The following CCNB1 variants were observed in gnomAD, a reference collection of about 807,000 sequenced individuals.
The protein encoded by CCNB1 is G2/mitotic-specific cyclin-B1.
CCNB1 carries 26 observed loss-of-function variants against 44.4 expected under a neutral mutation model. The observed-to-expected ratio is 0.59, with a 90% confidence interval of 0.43 to 0.81. The LOEUF (loss-of-function observed/expected upper bound fraction) is 0.81, where lower values mean the gene tolerates loss of function less well. CCNB1 is among the 40% of genes least tolerant of loss of function. The pLI, the probability that CCNB1 is intolerant of heterozygous loss-of-function variation, is 0.00. For synonymous variants in CCNB1, 195 were observed against 181.4 expected (o/e 1.08, Z -0.60); for missense variants, 477 against 520.9 (o/e 0.92, Z 0.82).
rs1167597138 is a variant in CCNB1 at position 69,175,423 on chromosome 5, C to G, written c.969C>G (p.Ala323=). The G allele has an allele frequency of 6.2e-7, 1 of 1,613,628 alleles. No individual in the cohort carries two copies. Among genetic ancestry groups the G allele is most frequent in the Admixed American group, 1.7e-5 (1 of 59,898 alleles). Residue 323 remains alanine (A), a synonymous_variant, in exon 7 of 9, where the codon GCC becomes GCG. Coordinates refer to ENST00000256442, the MANE Select transcript of CCNB1 (RefSeq NM_031966.4). ...TTGATGTCGAGCAACATACTTTGGCCAAATACCTGATGGAACTAACTATGT... is the reference window on the plus strand; with the variant it reads ...TTGATGTCGAGCAACATACTTTGGCGAAATACCTGATGGAACTAACTATGT... The part of the protein sequence containing the change: ...GEVDVEQHTL[A]KYLMELTMLD...
At chr5:69,167,612 C>G in intron 1 of CCNB1, 1 of 501,082 alleles carries the variant, frequency 2.0e-6, no homozygotes, top group Non-Finnish European at 3.5e-6. Flanking sequence ...AACCCCCTTC[C>G]CAGAGAGAAG....
chr5:69,167,482 G>T (rs1226591905), intron 1 of CCNB1, 199 bp downstream of exon 1: 1 of 588,918 alleles, frequency 1.7e-6, no homozygotes, highest in Admixed American at 3.1e-5. Context: ...ATGGAGGGAG[G>T]AAGGTGAGAA....
chr5:69,174,178 A>G lies in CCNB1; in HGVS notation c.547-73A>G, dbSNP rs533759923. 1.8e-5 allele frequency: 25 copies of G among 1,362,306 alleles called. No homozygotes were observed. In the African/African-American group the frequency reaches 3.3e-4, roughly 18 times the overall value. 84.4% of individuals were successfully genotyped at this position (1,362,306 alleles called of 1,614,324 possible). A position where few individuals can be genotyped will look rare whatever the true frequency, so the allele number is the denominator to read the frequency against. On this transcript the variant is annotated intron_variant, in intron 4 of 8. Coordinates refer to ENST00000256442, the MANE Select transcript of CCNB1 (RefSeq NM_031966.4). ...ATGCCCCAGTGCTACTGTAGGAACT[A>G]ACTGATCTTTCTGGACATAAATGTG... is the stretch of plus-strand genomic sequence containing the variant.
At chr5:69,169,348 C>T (rs564272629) in intron 3 of CCNB1, among the ~76,000 whole-genome samples, 2 of 152,014 alleles carry the variant, frequency 1.3e-5, no homozygotes, top group East Asian at 3.9e-4. Context: ...TTAGCCACGG[C>T]GCCCAGCCAG....
At chr5:69,171,497 A>G in intron 4 of CCNB1, 45 bp downstream of exon 4, 1 of 1,365,514 alleles carries the variant, frequency 7.3e-7, no homozygotes, top group Non-Finnish European at 1.0e-6. Context: ...ATCTAACTTT[A>G]TGAAAGTATT....
intron 1 of CCNB1, chr5:69,167,486 G>A (rs1385869399): frequency 1.7e-6 from 1 of 585,306 alleles, no homozygotes; most frequent in East Asian, 3.0e-5. Flanking sequence ...AGGGAGGAAG[G>A]TGAGAAAGAG....
chr5:69,171,470 T>G lies in CCNB1; in HGVS notation c.546+18T>G. The G allele has an allele frequency of 6.5e-7, 1 of 1,547,372 alleles. No homozygotes were observed. Among genetic ancestry groups the G allele is most frequent in the Non-Finnish European group, 8.8e-7 (1 of 1,141,798 alleles). On this transcript the variant is annotated intron_variant, in intron 4 of 8. Coordinates refer to ENST00000256442, the MANE Select transcript of CCNB1 (RefSeq NM_031966.4). ...AACTTGAGGTAAGTATTATCATTCG[T>G]TTTTTTTCTAAACTGCATCTAACTT...
In CCNB1 at chr5:69,175,021, C is replaced by T; in HGVS notation, c.850C>T (p.Gln284Ter). ...DNTYTKHQIR[Q>*]MEMKILRALN... ...CACTTATACTAAGCACCAAATCAGA[C>T]AGATGGAAATGAAGATTCTAAGAGC... The change falls in exon 6 of 9, where the codon CAG becomes TAG. Residue 284 changes from glutamine (Q) to a stop codon, truncating the protein, a stop_gained. Coordinates refer to ENST00000256442, the MANE Select transcript of CCNB1 (RefSeq NM_031966.4). LOFTEE classifies it high-confidence loss of function. The T allele has an allele frequency of 6.2e-7, 1 of 1,614,162 alleles. No homozygotes were observed. Among genetic ancestry groups the T allele is most frequent in the Non-Finnish European group, 8.5e-7 (1 of 1,180,012 alleles).
Position 69,177,337 on chromosome 5 carries a change from T to TA in CCNB1, c.1183dup (p.Thr395AsnfsTer17), listed in dbSNP as rs1561316086. The TA allele has an allele frequency of 1.2e-6, 2 of 1,602,046 alleles. No individual in the cohort carries two copies. Among genetic ancestry groups the TA allele is most frequent in the Admixed American group, 1.7e-5 (1 of 59,976 alleles). ...ATGTAGTCATGGTAAATCAAGGACT[T>TA]ACAAAGCACATGGTGAGTCAATATA... is the stretch of plus-strand genomic sequence containing the variant. On this transcript the variant is annotated frameshift_variant, in exon 8 of 9. Coordinates refer to ENST00000256442, the MANE Select transcript of CCNB1 (RefSeq NM_031966.4). LOFTEE classifies it high-confidence loss of function.
rs1222233914 is a variant in CCNB1 at position 69,167,246 on chromosome 5, C to T, written c.-17C>T. On this transcript the variant is annotated 5_prime_UTR_variant, in exon 1 of 9. Transcript: ENST00000256442. ...CTGCTTCTCCCCGCTGAGCTGCTGC[C>T]TGGTGAAGAGGAAGCCATGGCGCTC... The T allele has an allele frequency of 4.5e-6, 7 of 1,567,532 alleles. No individual in the cohort carries two copies. The highest frequency in any genetic ancestry group is 1.4e-5 in the African/African-American group (1 of 73,500).
chr5:69,177,793 C>T lies in CCNB1; in HGVS notation c.*162C>T, dbSNP rs1398144449. ...GTGGTTACTTCCTACTGTAGGGTAGCGGAAAAGTTGTCTTAAAAGGTATGG... is the reference window on the plus strand; with the variant it reads ...GTGGTTACTTCCTACTGTAGGGTAGTGGAAAAGTTGTCTTAAAAGGTATGG... On this transcript the variant is annotated 3_prime_UTR_variant, in exon 9 of 9. Coordinates refer to ENST00000256442, the MANE Select transcript of CCNB1 (RefSeq NM_031966.4). 4.3e-5 allele frequency: 23 copies of T among 537,266 alleles called. No homozygotes were observed. The highest frequency in any genetic ancestry group is 1.9e-4 in the African/African-American group (10 of 52,386). 33.3% of individuals were successfully genotyped at this position (537,266 alleles called of 1,614,324 possible).
At chr5:69,167,808 C>G in intron 1 of CCNB1, 100 bp from the exon 2 acceptor site, 1 of 1,125,244 alleles carries the variant, frequency 8.9e-7, no homozygotes, top group Middle Eastern at 2.7e-4. Flanking sequence ...TTTTAGTCGG[C>G]TTTCTTTCTG....
At position 69,177,963 on chromosome 5, in the gene CCNB1, A is replaced by C; in HGVS notation, c.*332A>C. The C allele has an allele frequency of 5.2e-6, 1 of 190,922 alleles. No individual in the cohort carries two copies. The highest frequency in any genetic ancestry group is 1.2e-4 in the South Asian group (1 of 8,554). 11.8% of individuals were successfully genotyped at this position (190,922 alleles called of 1,614,324 possible). On this transcript the variant is annotated 3_prime_UTR_variant, in exon 9 of 9. Coordinates refer to ENST00000256442, the MANE Select transcript of CCNB1 (RefSeq NM_031966.4). The stretch of plus-strand genomic sequence containing the variant: ...GGTGATGGAGGTATTTGAAAATTTT[A>C]CTTCCATAGGACATACTGCATGTAA...
At chr5:69,168,702 G>C (rs1747394573) in intron 3 of CCNB1, among the ~76,000 whole-genome samples, 1 of 152,172 alleles carries the variant, frequency 6.6e-6, no homozygotes, top group Non-Finnish European at 1.5e-5. Context: ...AGCTGTCTGA[G>C]CCAAAGGCTT....
Position 69,178,219 on chromosome 5 carries a change from TTAA to T in CCNB1, c.*592_*594del, listed in dbSNP as rs1436792324. On this transcript the variant is annotated 3_prime_UTR_variant, in exon 9 of 9. Transcript: ENST00000256442. ...TTTTCATTTTGGTTTTGTGTTTTGG[TTAA>T]TAAAACAATACTCAAATACAAAAGG... 2 of 152,184 alleles carry T rather than the reference TTAA, an allele frequency of 1.3e-5. No individual in the cohort carries two copies. The highest frequency in any genetic ancestry group is 1.3e-4 in the Admixed American group (2 of 15,272). 9.4% of individuals were successfully genotyped at this position (152,184 alleles called of 1,614,324 possible).
At chr5:69,167,335 T>C in intron 1 of CCNB1, 52 bp downstream of exon 1, 1 of 1,594,776 alleles carries the variant, frequency 6.3e-7, no homozygotes, top group Non-Finnish European at 8.5e-7. Context: ...TGCTGCCTGC[T>C]CTCCCTGCCT....
At position 69,175,919 on chromosome 5, in the gene CCNB1, CAA is replaced by C. The variant is rs567754180; in HGVS notation, c.1083+385_1083+386del. Among the ~76,000 whole-genome samples the C allele has an allele frequency of 1.4e-3, 215 of 149,840 alleles. 1 individual carries two copies. Among genetic ancestry groups the C allele is most frequent in the African/African-American group, 5.2e-3 (211 of 40,794 alleles). On this transcript the variant is annotated intron_variant, in intron 7 of 8. Coordinates refer to ENST00000256442, the MANE Select transcript of CCNB1 (RefSeq NM_031966.4). ...ACCAAATCATCACACTTATGAACTA[CAA>C]AAGAGTCGCCCACCAGCCTGGGCAA...
At position 69,168,308 on chromosome 5, in the gene CCNB1, G is replaced by A. The variant is rs892418645; in HGVS notation, c.328G>A (p.Val110Ile). The A allele has an allele frequency of 1.2e-6, 2 of 1,614,194 alleles. No individual in the cohort carries two copies. Among genetic ancestry groups the A allele is most frequent in the Non-Finnish European group, 1.7e-6 (2 of 1,180,036 alleles). Reference protein sequence around the residue: ...EPEPEPEPEPVKEEKLSPEPI... With the variant: ...EPEPEPEPEPIKEEKLSPEPI... ...AGAACCTGAGCCAGAACCTGAGCCT[G>A]TTAAAGAAGAAAAACTTTCGCCTGA... Residue 110 changes from valine (V) to isoleucine (I), a missense_variant, in exon 3 of 9, where the codon GTT becomes ATT. Physicochemically the swap from Val to Ile is conservative, Grantham distance 29 (BLOSUM62 3). Coordinates refer to ENST00000256442, the MANE Select transcript of CCNB1 (RefSeq NM_031966.4).
chr5:69,172,596 C>T (rs1385069599), intron 4 of CCNB1, among the ~76,000 whole-genome samples: 1 of 151,934 alleles, frequency 6.6e-6, no homozygotes, highest in Non-Finnish European at 1.5e-5. Context: ...TCATCACTGA[C>T]ATGTTCATCT....
Sources: allele counts gnomAD v4.1 joint callset (sites outside exome capture counted in the v4.1 genomes callset), GRCh38; gene constraint gnomAD v4.1.1; transcripts MANE v1.5; gene names NCBI Gene and HGNC (gene_info 2026-07-23, HGNC 2026-07-21).